The following ATP2B2 variants were observed in gnomAD, a reference collection of about 807,000 sequenced individuals.
The protein encoded by ATP2B2 is plasma membrane calcium-transporting ATPase 2.
In ATP2B2, 15 loss-of-function variants were observed where a neutral mutation model predicts 120.0. The observed-to-expected ratio is 0.12, with a 90% CI of 0.08 to 0.19. The LOEUF (loss-of-function observed/expected upper bound fraction) is 0.19. ATP2B2 is among the 10% of genes least tolerant of loss of function. The probability of loss-of-function intolerance (pLI) is 1.00; values close to 1 mark genes in which losing one functional copy is unlikely to be tolerated. For synonymous variants in ATP2B2, 694 were observed against 700.3 expected (o/e 0.99, Z 0.14); for missense variants, 1,045 against 1,719.8 (o/e 0.61, Z 6.94).
At chr3:10,481,027 C>T (rs549324030) in intron 1 of ATP2B2, among the ~76,000 whole-genome samples, 6 of 152,298 alleles carry the variant, frequency 3.9e-5, no homozygotes, top group African/African-American at 1.2e-4. Context: ...CAGAGCAGAC[C>T]CTCTCTTTTT....
chr3:10,408,852 C>G (rs2062509231), intron 3 of ATP2B2, among the ~76,000 whole-genome samples: 1 of 152,170 alleles, frequency 6.6e-6, no homozygotes, highest in African/African-American at 2.4e-5. Context: ...GGCCATGTAT[C>G]CGAGCTGATT....
intron 2 of ATP2B2, among the ~76,000 whole-genome samples, chr3:10,428,640 A>G (rs2063216055): frequency 6.6e-6 from 1 of 152,224 alleles, no homozygotes; most frequent in African/African-American, 2.4e-5. Flanking sequence ...TGAGCCCTCA[A>G]ATCACAGTCC....
At chr3:10,607,095 T>C (rs930022735) in intron 2 of ATP2B2, among the ~76,000 whole-genome samples, 2 of 152,230 alleles carry the variant, frequency 1.3e-5, no homozygotes, top group Middle Eastern at 6.8e-3. Flanking sequence ...TTTAAAAATG[T>C]TCTATCTTTT....
intron 5 of ATP2B2, among the ~76,000 whole-genome samples, chr3:10,396,743 G>A (rs1485612822): frequency 6.6e-6 from 1 of 152,240 alleles, no homozygotes; most frequent in African/African-American, 2.4e-5. Context: ...GTAGCCCAGA[G>A]AGGTGGGAAA....
Position 10,340,120 on chromosome 3 carries a change from A to C in ATP2B2, c.3237+122T>G. Reference sequence around the variant, plus strand: ...GACAAACCCCCTTGCTCAGATGTCCAGAGATAGGGAGGAGCTTGCCTGGGG... The same window carrying C: ...GACAAACCCCCTTGCTCAGATGTCCCGAGATAGGGAGGAGCTTGCCTGGGG... On this transcript the variant is annotated intron_variant, in intron 21 of 22. Transcript: ENST00000360273. This position sits in a 1 kb window ranked among gnomAD's most constrained non-coding sequence, Gnocchi z 5.0. The C allele has an allele frequency of 1.1e-6, 1 of 898,538 alleles. No individual in the cohort carries two copies. The highest frequency in any genetic ancestry group is 1.8e-6 in the Non-Finnish European group (1 of 560,840). 55.7% of individuals were successfully genotyped at this position (898,538 alleles called of 1,614,324 possible).
intron 2 of ATP2B2, among the ~76,000 whole-genome samples, chr3:10,538,406 T>C (rs1474513168): frequency 6.6e-6 from 1 of 152,182 alleles, no homozygotes; most frequent in Non-Finnish European, 1.5e-5. Flanking sequence ...TACCAAAGCC[T>C]GGTAGAGACA....
At chr3:10,681,706 G>C (rs2071387888) in intron 1 of ATP2B2, among the ~76,000 whole-genome samples, 2 of 152,342 alleles carry the variant, frequency 1.3e-5, no homozygotes, top group Non-Finnish European at 2.9e-5. Flanking sequence ...ACTATAAGAT[G>C]CAGGTCCTAT....
At chr3:10,557,230 A>G (rs1489996030) in intron 2 of ATP2B2, among the ~76,000 whole-genome samples, 1 of 152,262 alleles carries the variant, frequency 6.6e-6, no homozygotes, top group Non-Finnish European at 1.5e-5. Flanking sequence ...CCAGGGGCCC[A>G]GAAATGTCAC....
intron 3 of ATP2B2, among the ~76,000 whole-genome samples, chr3:10,523,693 C>G (rs539596997): frequency 6.6e-6 from 1 of 152,070 alleles, no homozygotes; most frequent in African/African-American, 2.4e-5. Flanking sequence ...AAAAATGCCC[C>G]CTTGATGCTT....
At chr3:10,453,839 T>C (rs2125203263) in intron 1 of ATP2B2, among the ~76,000 whole-genome samples, 1 of 152,114 alleles carries the variant, frequency 6.6e-6, no homozygotes, top group East Asian at 1.9e-4. Flanking sequence ...TCTTCAACCA[T>C]CTATCCACCC....
At chr3:10,558,046 G>A (rs536125971) in intron 2 of ATP2B2, among the ~76,000 whole-genome samples, 12 of 152,306 alleles carry the variant, frequency 7.9e-5, no homozygotes, top group African/African-American at 2.6e-4. Context: ...TCATCAGTAA[G>A]CTCCCAAGCA....
intron 2 of ATP2B2, among the ~76,000 whole-genome samples, chr3:10,565,529 A>G (rs150223796): frequency 8.5e-5 from 13 of 152,188 alleles, no homozygotes; most frequent in African/African-American, 3.1e-4. Flanking sequence ...CCTCTTGATC[A>G]CTGGGGTCCC....
chr3:10,666,638 C>T (rs936581979), intron 1 of ATP2B2, among the ~76,000 whole-genome samples: 2 of 152,230 alleles, frequency 1.3e-5, no homozygotes, highest in Non-Finnish European at 2.9e-5. Context: ...ATTCCATCTT[C>T]TCTGTCAGCT....
At chr3:10,452,497 G>T (rs1483539724) in intron 1 of ATP2B2, among the ~76,000 whole-genome samples, 2 of 152,220 alleles carry the variant, frequency 1.3e-5, no homozygotes, top group African/African-American at 4.8e-5. Flanking sequence ...TCTTCCTGCT[G>T]CCTGCTCAGT....
chr3:10,612,822 A>G (rs2069278731), intron 2 of ATP2B2, among the ~76,000 whole-genome samples: 1 of 152,194 alleles, frequency 6.6e-6, no homozygotes, highest in Admixed American at 6.5e-5. Context: ...AACTGGTTAT[A>G]TGGTTGTATA....
At chr3:10,575,328 T>G (rs1397987070) in intron 2 of ATP2B2, among the ~76,000 whole-genome samples, 2 of 152,164 alleles carry the variant, frequency 1.3e-5, no homozygotes, top group African/African-American at 4.8e-5. Flanking sequence ...ATGCCCCATT[T>G]TGCAGATGAG....
intron 1 of ATP2B2, among the ~76,000 whole-genome samples, chr3:10,492,946 C>T (rs1053072211): frequency 6.6e-6 from 1 of 152,344 alleles, no homozygotes; most frequent in Non-Finnish European, 1.5e-5. Flanking sequence ...CTCCCACTAC[C>T]TCCCTCGAGA....
intron 3 of ATP2B2, among the ~76,000 whole-genome samples, chr3:10,530,597 T>C (rs2067191838): frequency 6.6e-6 from 1 of 152,214 alleles, no homozygotes; most frequent in Admixed American, 6.5e-5. Context: ...CTCACGTTTT[T>C]TTCCTTCGTT....
At chr3:10,357,856 T>C (rs1478907846) in intron 14 of ATP2B2, among the ~76,000 whole-genome samples, 1 of 152,202 alleles carries the variant, frequency 6.6e-6, no homozygotes. Flanking sequence ...GCTTCCTCTG[T>C]TCCCCACAGC....
Sources: allele counts gnomAD v4.1 joint callset (sites outside exome capture counted in the v4.1 genomes callset), GRCh38; gene constraint gnomAD v4.1.1; non-coding constraint Gnocchi (gnomAD v3.1); transcripts MANE v1.5; gene names NCBI Gene and HGNC (gene_info 2026-07-23, HGNC 2026-07-21).